Variants in MAGI1 observed in about 807,000 individuals in gnomAD.
The protein encoded by MAGI1 is membrane-associated guanylate kinase, WW and PDZ domain-containing protein 1.
In MAGI1, 58 loss-of-function variants were observed where a neutral mutation model predicts 139.9. The ratio of observed to expected loss-of-function variants is 0.41; its 90% CI spans 0.34 to 0.52. MAGI1 has a LOEUF of 0.52. MAGI1 is among the 20% of genes least tolerant of loss of function. The pLI, the probability that MAGI1 is intolerant of heterozygous loss-of-function variation, is 0.12. For synonymous variants in MAGI1, 812 were observed against 737.9 expected (o/e 1.10, Z -1.63); for missense variants, 1,874 against 1,901.6 (o/e 0.99, Z 0.27).
intron 1 of MAGI1, among the ~76,000 whole-genome samples, chr3:65,939,026 T>A (rs2063186201): frequency 6.6e-6 from 1 of 152,186 alleles, no homozygotes; most frequent in Non-Finnish European, 1.5e-5. Flanking sequence ...CTAGCACTAG[T>A]AATTCGTTTG....
intron 1 of MAGI1, among the ~76,000 whole-genome samples, chr3:65,973,275 G>A (rs1224377625): frequency 6.6e-6 from 1 of 152,120 alleles, no homozygotes; most frequent in Non-Finnish European, 1.5e-5. Context: ...TCACCAAAAT[G>A]TTATGAGATA....
At chr3:65,428,405 C>G (rs1947222812) in intron 12 of MAGI1, among the ~76,000 whole-genome samples, 1 of 152,088 alleles carries the variant, frequency 6.6e-6, no homozygotes, top group African/African-American at 2.4e-5. Flanking sequence ...CCTGTGTTTT[C>G]TGGTGAGGCA....
chr3:65,357,197 C>T, intron 22 of MAGI1, 65 bp from the exon 23 acceptor site: 1 of 1,507,464 alleles, frequency 6.6e-7, no homozygotes, highest in Non-Finnish European at 8.9e-7. Context: ...GTCCCCGTTC[C>T]CACCCACACT....
chr3:65,388,344 TA>T (rs1387757057), intron 14 of MAGI1, among the ~76,000 whole-genome samples: 1 of 151,696 alleles, frequency 6.6e-6, no homozygotes, highest in Non-Finnish European at 1.5e-5. Context: ...AAAAAGAGGG[TA>T]ATATGGCACA....
At chr3:65,679,208 C>G (rs556868319) in intron 1 of MAGI1, among the ~76,000 whole-genome samples, 1 of 152,162 alleles carries the variant, frequency 6.6e-6, no homozygotes, top group African/African-American at 2.4e-5. Context: ...GTCACACATA[C>G]GCTTCATTTT....
chr3:65,694,727 G>A (rs2088996041), intron 1 of MAGI1, among the ~76,000 whole-genome samples: 1 of 152,172 alleles, frequency 6.6e-6, no homozygotes, highest in Admixed American at 6.5e-5. Flanking sequence ...TAACCCCTGA[G>A]CTGCACTACT....
intron 1 of MAGI1, among the ~76,000 whole-genome samples, chr3:65,897,135 A>C (rs995219625): frequency 1.3e-5 from 2 of 152,208 alleles, no homozygotes; most frequent in African/African-American, 4.8e-5. Flanking sequence ...TTTTATTTGT[A>C]CTATATTTAG....
intron 1 of MAGI1, among the ~76,000 whole-genome samples, chr3:65,958,785 G>T (rs9880813): frequency 6.6e-6 from 1 of 151,916 alleles, no homozygotes; most frequent in Non-Finnish European, 1.5e-5. Context: ...CCAAGAGTTC[G>T]AGACCAGCCT....
intron 1 of MAGI1, among the ~76,000 whole-genome samples, chr3:65,808,337 T>C (rs1002700798): frequency 6.6e-6 from 1 of 151,784 alleles, no homozygotes; most frequent in Non-Finnish European, 1.5e-5. Context: ...CCTGTCTCTA[T>C]TAAAAAATAC....
chr3:65,501,813 G>C (rs1256954539), intron 2 of MAGI1, among the ~76,000 whole-genome samples: 1 of 152,180 alleles, frequency 6.6e-6, no homozygotes, highest in African/African-American at 2.4e-5. Flanking sequence ...ACCAAATGTG[G>C]TTCAATTGGT....
chr3:65,464,357 C>A (rs910435317), intron 5 of MAGI1, among the ~76,000 whole-genome samples: 2 of 152,050 alleles, frequency 1.3e-5, no homozygotes, highest in African/African-American at 4.8e-5. Flanking sequence ...TTCCTCTTTT[C>A]TCATATATAT....
At chr3:65,799,000 C>T (rs1344634195) in intron 1 of MAGI1, among the ~76,000 whole-genome samples, 1 of 152,092 alleles carries the variant, frequency 6.6e-6, no homozygotes, top group African/African-American at 2.4e-5. Context: ...CTTTATTTTA[C>T]CTAATGATGA....
At chr3:65,453,660 T>C (rs1949187272) in intron 5 of MAGI1, among the ~76,000 whole-genome samples, 1 of 152,208 alleles carries the variant, frequency 6.6e-6, no homozygotes, top group Non-Finnish European at 1.5e-5. Flanking sequence ...GTCTAGATTA[T>C]TTTAGGCTTT....
At chr3:65,408,622 A>T (rs1238599757) in intron 12 of MAGI1, among the ~76,000 whole-genome samples, 1 of 152,072 alleles carries the variant, frequency 6.6e-6, no homozygotes, top group Non-Finnish European at 1.5e-5. Context: ...CAACCCTTCT[A>T]AAAAAAAGCC....
At chr3:65,793,475 C>G (rs2039920676) in intron 1 of MAGI1, among the ~76,000 whole-genome samples, 2 of 152,178 alleles carry the variant, frequency 1.3e-5, no homozygotes, top group South Asian at 4.1e-4. Flanking sequence ...AAACCCTTAC[C>G]TTTTACTGAG....
chr3:65,837,685 T>C (rs1422367582), intron 1 of MAGI1, among the ~76,000 whole-genome samples: 2 of 152,232 alleles, frequency 1.3e-5, no homozygotes, highest in South Asian at 2.1e-4. Context: ...TGCCATTTTC[T>C]TTCTTTACAT....
At chr3:65,836,116 G>C (rs753711217) in intron 1 of MAGI1, among the ~76,000 whole-genome samples, 54 of 152,270 alleles carry the variant, frequency 3.5e-4, no homozygotes, top group Non-Finnish European at 7.1e-4. Context: ...ACCAGACATT[G>C]CATTGAGCAG....
intron 1 of MAGI1, among the ~76,000 whole-genome samples, chr3:65,781,903 T>C (rs1243853435): frequency 6.6e-6 from 1 of 151,008 alleles, no homozygotes; most frequent in African/African-American, 2.4e-5. Flanking sequence ...GAACCCCCCC[T>C]CACTATAAAC....
intron 2 of MAGI1, among the ~76,000 whole-genome samples, chr3:65,543,904 A>T (rs2107923614): frequency 6.6e-6 from 1 of 152,282 alleles, no homozygotes; most frequent in South Asian, 2.1e-4. Flanking sequence ...AAGTATAATA[A>T]TAATAAAACA....
Sources: allele counts gnomAD v4.1 joint callset (sites outside exome capture counted in the v4.1 genomes callset), GRCh38; gene constraint gnomAD v4.1.1; transcripts MANE v1.5; gene names NCBI Gene and HGNC (gene_info 2026-07-23, HGNC 2026-07-21).